ABCA6: variants seen among roughly 807,000 people sequenced by gnomAD.
ABCA6 encodes the protein ATP binding cassette subfamily A member 6, also known as ATP-binding cassette sub-family A member 6.
A neutral mutation model predicts 191.2 loss-of-function variants in ABCA6; 164 were observed. That is an observed-to-expected ratio of 0.86 (90% CI 0.76 to 0.98). The LOEUF is 0.98. Ranked by LOEUF, ABCA6 falls within the 50% of genes least tolerant of loss-of-function variation. ABCA6 has a pLI of 0.00. For missense variants in ABCA6, 1,958 were observed against 1,894.1 expected (o/e 1.03, Z -0.63); for synonymous variants, 636 against 647.7 (o/e 0.98, Z 0.27).
rs66841849 is a variant in ABCA6 at position 69,112,874 on chromosome 17, G to GA, written c.2041+347dup. ...CTATCTGCACCTTCCAATACTTTCTGAAAAAAAAAACACATAAATTACATG... is the reference window on the plus strand; with the variant it reads ...CTATCTGCACCTTCCAATACTTTCTGAAAAAAAAAAACACATAAATTACATG... On this transcript the variant is annotated intron_variant, in intron 15 of 38. Coordinates refer to ENST00000284425, the MANE Select transcript of ABCA6 (RefSeq NM_080284.3). 1,016 of 148,892 alleles carry GA rather than the reference G, an allele frequency of 6.8e-3. 4 individuals are homozygous for GA. The highest frequency in any genetic ancestry group is 0.017 in the Middle Eastern group (5 of 298). 9.2% of individuals were successfully genotyped at this position (148,892 alleles called of 1,614,324 possible).
intron 24 of ABCA6, 82 bp downstream of exon 24, chr17:69,096,546 C>T (rs1470701727): frequency 5.4e-6 from 6 of 1,104,424 alleles, no homozygotes; most frequent in Non-Finnish European, 7.3e-6. Flanking sequence ...TGAATTAAAA[C>T]ATCTTAACTA....
At chr17:69,117,133 C>G (rs2073552197) in intron 11 of ABCA6, among the ~76,000 whole-genome samples, 1 of 151,980 alleles carries the variant, frequency 6.6e-6, no homozygotes. Context: ...ATTAAATTCT[C>G]AAAGACCTAA....
chr17:69,126,823 G>A (rs1261014938), intron 8 of ABCA6, among the ~76,000 whole-genome samples: 1 of 152,086 alleles, frequency 6.6e-6, no homozygotes, highest in Non-Finnish European at 1.5e-5. Flanking sequence ...GTGTGATTAT[G>A]TAACTTGATA....
intron 25 of ABCA6, 120 bp downstream of exon 25, chr17:69,096,120 T>C (rs896202371): frequency 1.7e-5 from 7 of 404,246 alleles, no homozygotes; most frequent in Non-Finnish European, 4.4e-6. Context: ...CTCTTTTCTA[T>C]GGTGTAATTT....
At chr17:69,084,386 G>A (rs775073259) in intron 33 of ABCA6, 31 bp from the exon 34 acceptor site, 10 of 1,613,858 alleles carry the variant, frequency 6.2e-6, no homozygotes, top group Admixed American at 1.7e-5. Flanking sequence ...CCTGTTTGCT[G>A]CCATACCACA....
At position 69,134,843 on chromosome 17, in the gene ABCA6, C is replaced by A. The variant is rs1231597942; in HGVS notation, c.461-101G>T. The A allele has an allele frequency of 1.9e-5, 14 of 746,262 alleles. No homozygotes were observed. The East Asian group carries it at 3.9e-4, about 21-fold the overall frequency. The allele number at this position is 746,262 out of a possible 1,614,324, so 46.2% of individuals were successfully genotyped here. A position where few individuals can be genotyped will look rare whatever the true frequency, so the allele number is the denominator to read the frequency against. On this transcript the variant is annotated intron_variant, in intron 4 of 38. Transcript: ENST00000284425. The stretch of plus-strand genomic sequence containing the variant: ...GAAAACAATCTAGAGGAGACTCTAC[C>A]AGTAAACTTTTTTGGTGGTGGTGTT...
chr17:69,114,043 A>T (rs1052479384), intron 13 of ABCA6, among the ~76,000 whole-genome samples: 1 of 152,112 alleles, frequency 6.6e-6, no homozygotes, highest in African/African-American at 2.4e-5. Flanking sequence ...ATACCATTTG[A>T]CCCAGCCATC....
At chr17:69,105,373 C>A in intron 20 of ABCA6, 89 bp downstream of exon 20, 1 of 1,288,290 alleles carries the variant, frequency 7.8e-7, no homozygotes, top group South Asian at 1.4e-5. Flanking sequence ...ATTTTCTTCT[C>A]TTATGATTCA....
chr17:69,129,606 T>C lies in ABCA6; in HGVS notation c.933+4A>G. 6.3e-7 allele frequency: 1 copy of C among 1,583,284 alleles called. No homozygotes were observed. Among genetic ancestry groups the C allele is most frequent in the Non-Finnish European group, 8.6e-7 (1 of 1,163,846 alleles). On this transcript the variant is annotated splice_donor_region_variant and intron_variant, in intron 7 of 38. Coordinates refer to ENST00000284425, the MANE Select transcript of ABCA6 (RefSeq NM_080284.3). The stretch of plus-strand genomic sequence containing the variant: ...AGAAAGTGGTAATAAATGTATCAAC[T>C]TACCAAAGATAAGCCATATAAAAAA...
intron 28 of ABCA6, chr17:69,087,748 A>T: frequency 2.3e-6 from 1 of 438,600 alleles, no homozygotes; most frequent in Admixed American, 4.1e-5. Context: ...AATTCATGTC[A>T]CTCTCATTTT....
In ABCA6 at chr17:69,084,254, T is replaced by TG; in HGVS notation, c.4355+6dup. 6.2e-7 allele frequency: 1 copy of TG among 1,613,820 alleles called. No individual in the cohort carries two copies. ...TGCTCGCAGCTCTGGGGTATAATGA[T>TG]GCTCACCACATTTGCTGCTGCCCTG... On this transcript the variant is annotated splice_region_variant and intron_variant, in intron 34 of 38. Coordinates refer to ENST00000284425, the MANE Select transcript of ABCA6 (RefSeq NM_080284.3).
Position 69,106,010 on chromosome 17 carries a change from C to G in ABCA6, c.2573+18G>C. 6.4e-7 allele frequency: 1 copy of G among 1,574,230 alleles called. No individual in the cohort carries two copies. ...TGAAATTCATGATCTAACAAAACCA[C>G]AGTACTCTCCTACTCACAGGGTCAA... On this transcript the variant is annotated intron_variant, in intron 19 of 38. Coordinates refer to ENST00000284425, the MANE Select transcript of ABCA6 (RefSeq NM_080284.3).
Position 69,078,944 on chromosome 17 carries a change from A to T in ABCA6, c.*29T>A, listed in dbSNP as rs762283432. On this transcript the variant is annotated 3_prime_UTR_variant, in exon 39 of 39. Coordinates refer to ENST00000284425, the MANE Select transcript of ABCA6 (RefSeq NM_080284.3). Reference sequence around the variant, plus strand: ...TACATAAAACATGAGTTTATAGGAGATCAACAAAAAATTACTAGGTTTGAG... The same window carrying T: ...TACATAAAACATGAGTTTATAGGAGTTCAACAAAAAATTACTAGGTTTGAG... The T allele has an allele frequency of 7.0e-7, 1 of 1,433,276 alleles. No individual in the cohort carries two copies. The highest frequency in any genetic ancestry group is 9.7e-7 in the Non-Finnish European group (1 of 1,034,702). 88.8% of individuals were successfully genotyped at this position (1,433,276 alleles called of 1,614,324 possible).
intron 27 of ABCA6, among the ~76,000 whole-genome samples, chr17:69,088,471 T>C (rs1363690239): frequency 6.6e-6 from 1 of 152,140 alleles, no homozygotes; most frequent in Non-Finnish European, 1.5e-5. Context: ...AAGTAAATTC[T>C]ATCTACTCTA....
chr17:69,094,578 A>G, intron 25 of ABCA6: 1 of 165,820 alleles, frequency 6.0e-6, no homozygotes, highest in East Asian at 1.4e-4. Flanking sequence ...TGAGGAAATT[A>G]AACCTGCTCA....
chr17:69,078,773 G>T lies in ABCA6; in HGVS notation c.*200C>A. 1 of 393,186 alleles carries T rather than the reference G, an allele frequency of 2.5e-6. No homozygotes were observed. 24.4% of individuals were successfully genotyped at this position (393,186 alleles called of 1,614,324 possible). A position where few individuals can be genotyped will look rare whatever the true frequency, so the allele number is the denominator to read the frequency against. On this transcript the variant is annotated 3_prime_UTR_variant, in exon 39 of 39. Coordinates refer to ENST00000284425, the MANE Select transcript of ABCA6 (RefSeq NM_080284.3). ...CTTTGGGTGACTTTACTAATATTTT[G>T]TATTGCCTTTATCACAGGTTTGCTA...
chr17:69,088,083 T>C lies in ABCA6; in HGVS notation c.3698+84A>G, dbSNP rs891880669. The C allele has an allele frequency of 1.5e-5, 18 of 1,177,506 alleles. No individual in the cohort carries two copies. The African/African-American group carries it at 2.4e-4, about 15-fold the overall frequency. 72.9% of individuals were successfully genotyped at this position (1,177,506 alleles called of 1,614,324 possible). ...CATGTGCTTCCACTGTAAATGTAAA[T>C]CTGTATTAACAAGATGATAGCACAG... On this transcript the variant is annotated intron_variant, in intron 28 of 38. Transcript: ENST00000284425.
intron 25 of ABCA6, among the ~76,000 whole-genome samples, chr17:69,092,140 G>C (rs1035184096): frequency 2.0e-5 from 3 of 152,074 alleles, no homozygotes; most frequent in African/African-American, 7.2e-5. Context: ...AAGGAATAAG[G>C]ATAATTTTGT....
At position 69,096,273 on chromosome 17, in the gene ABCA6, T is replaced by A; in HGVS notation, c.3375A>T (p.Lys1125Asn). 2 of 1,527,956 alleles carry A rather than the reference T, an allele frequency of 1.3e-6. No individual in the cohort carries two copies. Among genetic ancestry groups the A allele is most frequent in the Non-Finnish European group, 1.8e-6 (2 of 1,136,792 alleles). The allele number at this position is 1,527,956 out of a possible 1,614,324, so 94.6% of individuals were successfully genotyped here. The change falls in exon 25 of 39, where the codon AAA becomes AAT. Residue 1125 changes from lysine to asparagine, a missense_variant. Transcript: ENST00000284425. Reference sequence around the variant, plus strand: ...AGTAAAATGACCAAAGGCCACTGTTTTTTCTCCTTTTGCGAAAAATAAATG... The same window carrying A: ...AGTAAAATGACCAAAGGCCACTGTTATTTCTCCTTTTGCGAAAAATAAATG... The part of the protein sequence containing the change: ...MISFIFRKRR[K>N]NSGLWSFYFF...
Sources: allele counts gnomAD v4.1 joint callset (sites outside exome capture counted in the v4.1 genomes callset), GRCh38; gene constraint gnomAD v4.1.1; transcripts MANE v1.5; gene names NCBI Gene and HGNC (gene_info 2026-07-23, HGNC 2026-07-21).